Variants in EPHB2 observed in about 807,000 individuals in gnomAD.
The protein encoded by EPHB2 is ephrin type-B receptor 2.
Under a neutral mutation model 96.4 loss-of-function variants are expected in EPHB2, and 18 were observed. That is an observed-to-expected ratio of 0.19 (90% CI 0.13 to 0.28). EPHB2 has a LOEUF of 0.28. Among genes scored for constraint, EPHB2 ranks in the 10% least tolerant of loss-of-function variants. The pLI is 1.00. For synonymous variants in EPHB2, 506 were observed against 534.1 expected (o/e 0.95, Z 0.72); for missense variants, 989 against 1,355.4 (o/e 0.73, Z 4.25).
chr1:22,877,974 C>T (rs1243664120), intron 5 of EPHB2, among the ~76,000 whole-genome samples: 2 of 152,236 alleles, frequency 1.3e-5, no homozygotes, highest in Admixed American at 1.3e-4. Context: ...TCCTTATGCC[C>T]ATTCAAGTTT....
chr1:22,798,850 G>C (rs1644803465), intron 3 of EPHB2, among the ~76,000 whole-genome samples: 1 of 152,142 alleles, frequency 6.6e-6, no homozygotes, highest in African/African-American at 2.4e-5. Context: ...AGCAGGATGA[G>C]AAGGGAGGCA....
intron 3 of EPHB2, among the ~76,000 whole-genome samples, chr1:22,815,592 G>C (rs1164969708): frequency 1.3e-5 from 2 of 152,260 alleles, no homozygotes; most frequent in Non-Finnish European, 2.9e-5. Context: ...GGCCCTTCTT[G>C]GCTCTCAATT....
intron 3 of EPHB2, among the ~76,000 whole-genome samples, chr1:22,820,892 CAAACT>C (rs1426706942): frequency 1.3e-5 from 2 of 152,190 alleles, no homozygotes; most frequent in African/African-American, 2.4e-5. Context: ...AACTAGGACT[CAAACT>C]AAGTATGTTT....
intron 1 of EPHB2, among the ~76,000 whole-genome samples, chr1:22,777,662 C>T (rs1034124689): frequency 2.6e-5 from 4 of 152,188 alleles, no homozygotes; most frequent in Admixed American, 1.3e-4. Flanking sequence ...TGGACTGGGA[C>T]GGGCTCCATG....
rs55826626 is a variant in EPHB2 at position 22,910,409 on chromosome 1, C to T, written c.2530C>T (p.Arg844Trp). 1.2e-5 allele frequency: 19 copies of T among 1,614,216 alleles called. No homozygotes were observed. Among genetic ancestry groups the T allele is most frequent in the East Asian group, 4.5e-5 (2 of 44,884 alleles). The change falls in exon 14 of 16, where the codon CGG becomes TGG. Residue 844 changes from arginine to tryptophan, a missense_variant. By Grantham distance (101) the Arg-to-Trp change is moderately radical. Transcript: ENST00000374630. ...AATCAATGCCATTGAGCAGGACTAT[C>T]GGCTGCCACCGCCCATGGACTGCCC... ...DVINAIEQDY[R>W]LPPPMDCPSA...
chr1:22,913,175 A>C lies in EPHB2; in HGVS notation c.2853-287A>C, dbSNP rs1467122565. 7 of 475,280 alleles carry C rather than the reference A, an allele frequency of 1.5e-5. No homozygotes were observed. The highest frequency in any genetic ancestry group is 9.8e-5 in the African/African-American group (5 of 50,908). 29.4% of individuals were successfully genotyped at this position (475,280 alleles called of 1,614,324 possible). ...GCCACTGCACACCAGCCTGGGTGAC[A>C]GAGCGAGACTCTGTCTCGAAAAAGA... On this transcript the variant is annotated intron_variant, in intron 15 of 15. Transcript: ENST00000374630. The surrounding 1 kb of genome is among the most constrained non-coding windows in gnomAD (Gnocchi z 4.1).
chr1:22,888,208 AT>A (rs555305997), intron 6 of EPHB2, among the ~76,000 whole-genome samples: 13 of 151,878 alleles, frequency 8.6e-5, no homozygotes, highest in Non-Finnish European at 1.5e-4. Flanking sequence ...CGCTCGGCTA[AT>A]TTTTTGTATT....
intron 5 of EPHB2, 101 bp from the exon 6 acceptor site, chr1:22,882,258 T>A (rs1029358544): frequency 1.9e-6 from 3 of 1,574,368 alleles, no homozygotes; most frequent in African/African-American, 2.7e-5. Flanking sequence ...CTTCCCTCTC[T>A]GATCCCACAG....
chr1:22,809,284 A>G (rs1380015368), intron 3 of EPHB2, among the ~76,000 whole-genome samples: 1 of 152,166 alleles, frequency 6.6e-6, no homozygotes, highest in Non-Finnish European at 1.5e-5. Context: ...GTTTCCAGGC[A>G]CCAGCTGGCC....
intron 5 of EPHB2, among the ~76,000 whole-genome samples, chr1:22,867,943 G>A (rs561969306): frequency 1.2e-4 from 18 of 152,344 alleles, no homozygotes; most frequent in Admixed American, 2.6e-4. Flanking sequence ...TCAGCTGTGC[G>A]TCTCTCTGGC....
chr1:22,797,832 C>G (rs914644464), intron 3 of EPHB2, among the ~76,000 whole-genome samples: 33 of 152,154 alleles, frequency 2.2e-4, no homozygotes, highest in African/African-American at 7.7e-4. Flanking sequence ...CTCCCGCTCT[C>G]TAGGCACTCT....
intron 1 of EPHB2, among the ~76,000 whole-genome samples, chr1:22,770,080 C>T (rs528741580): frequency 1.3e-4 from 19 of 151,764 alleles, no homozygotes; most frequent in South Asian, 8.4e-4. Context: ...GGTGATTTGA[C>T]GAATAGATGG....
intron 9 of EPHB2, among the ~76,000 whole-genome samples, chr1:22,900,428 T>C (rs1391548992): frequency 1.3e-5 from 2 of 152,242 alleles, no homozygotes; most frequent in African/African-American, 4.8e-5. Context: ...ATGCTTTACA[T>C]GTATTTATTC....
chr1:22,909,142 C>T lies in EPHB2; in HGVS notation c.2473C>T (p.Arg825Trp), dbSNP rs750920618. The change falls in exon 13 of 16, where the codon CGG becomes TGG. Residue 825 changes from arginine (R) to tryptophan (W), a missense_variant. Physicochemically the swap from Arg to Trp is moderately radical, Grantham distance 101 (BLOSUM62 -3). Coordinates refer to ENST00000374630, the MANE Select transcript of EPHB2 (RefSeq NM_017449.5). ...VMWEVMSYGE[R>W]PYWDMTNQDV... ...GTGGGAGGTGATGTCCTATGGGGAG[C>T]GGCCCTACTGGGACATGACCAACCA... is the stretch of plus-strand genomic sequence containing the variant. The T allele has an allele frequency of 6.8e-6, 11 of 1,614,178 alleles. No homozygotes were observed. The highest frequency in any genetic ancestry group is 1.1e-5 in the South Asian group (1 of 91,086).
intron 1 of EPHB2, among the ~76,000 whole-genome samples, chr1:22,748,935 A>G (rs916718116): frequency 1.3e-5 from 2 of 150,794 alleles, no homozygotes; most frequent in Non-Finnish European, 3.0e-5. Flanking sequence ...ATGAAAACCA[A>G]CAAGGTAGGC....
chr1:22,810,913 A>C (rs1321614758), intron 3 of EPHB2, among the ~76,000 whole-genome samples: 2 of 152,140 alleles, frequency 1.3e-5, no homozygotes, highest in Non-Finnish European at 2.9e-5. Context: ...CCCCCTCCTC[A>C]GTGCCACCCA....
chr1:22,906,260 AG>A lies in EPHB2; in HGVS notation c.1888+154del, dbSNP rs1486311862. ...GAAGGTTCAGAATGACCATGAAAGA[AG>A]GGCCCTCAAAGGTCATCCAGTAAAA... On this transcript the variant is annotated intron_variant, in intron 10 of 15. Coordinates refer to ENST00000374630, the MANE Select transcript of EPHB2 (RefSeq NM_017449.5). This position sits in a 1 kb window ranked among gnomAD's most constrained non-coding sequence, Gnocchi z 4.8. 1.6e-6 allele frequency: 2 copies of A among 1,280,002 alleles called. No homozygotes were observed. The highest frequency in any genetic ancestry group is 4.1e-5 in the Admixed American group (2 of 48,664). The allele number at this position is 1,280,002 out of a possible 1,614,324, so 79.3% of individuals were successfully genotyped here. A position where few individuals can be genotyped will look rare whatever the true frequency, so the allele number is the denominator to read the frequency against.
At chr1:22,803,238 C>T (rs1444704029) in intron 3 of EPHB2, among the ~76,000 whole-genome samples, 3 of 152,136 alleles carry the variant, frequency 2.0e-5, no homozygotes, top group Non-Finnish European at 4.4e-5. Flanking sequence ...ACCTCCCACC[C>T]GCTGCCCTAG....
intron 1 of EPHB2, among the ~76,000 whole-genome samples, chr1:22,775,997 G>A (rs1644446109): frequency 1.3e-5 from 2 of 152,166 alleles, no homozygotes; most frequent in Admixed American, 6.5e-5. Context: ...GTGGGAGGTG[G>A]GTGGTACCAG....
Sources: allele counts gnomAD v4.1 joint callset (sites outside exome capture counted in the v4.1 genomes callset), GRCh38; gene constraint gnomAD v4.1.1; non-coding constraint Gnocchi (gnomAD v3.1); transcripts MANE v1.5; gene names NCBI Gene and HGNC (gene_info 2026-07-23, HGNC 2026-07-21).